Variants in CYRIB observed in about 807,000 individuals in gnomAD.
CYRIB encodes the protein CYFIP-related Rac1 interactor B.
CYRIB carries 8 observed loss-of-function variants against 44.2 expected under a neutral mutation model. The ratio of observed to expected loss-of-function variants is 0.18; its 90% confidence interval spans 0.11 to 0.33. CYRIB has a LOEUF of 0.33. Among genes scored for constraint, CYRIB ranks in the 10% least tolerant of loss-of-function variants. The probability of loss-of-function intolerance (pLI) is 1.00; values close to 1 mark genes in which losing one functional copy is unlikely to be tolerated. For synonymous variants in CYRIB, 131 were observed against 127.2 expected, an observed-to-expected ratio of 1.03 and a Z score of -0.20; for missense variants, 185 against 382.8, an observed-to-expected ratio of 0.48 and a Z score of 4.31.
intron 1 of CYRIB, among the ~76,000 whole-genome samples, chr8:129,910,985 A>T (rs2136281491): frequency 6.6e-6 from 1 of 152,272 alleles, no homozygotes; most frequent in African/African-American, 2.4e-5. Flanking sequence ...TTAACTACTG[A>T]GGCCAGCTAT....
chr8:129,938,357 C>G (rs2093181988), intron 1 of CYRIB, among the ~76,000 whole-genome samples: 2 of 152,150 alleles, frequency 1.3e-5, no homozygotes. Context: ...ACCCGAGTGA[C>G]TGAAATTCTT....
intron 1 of CYRIB, among the ~76,000 whole-genome samples, chr8:130,007,504 G>A (rs1397208661): frequency 6.6e-6 from 1 of 152,246 alleles, no homozygotes; most frequent in African/African-American, 2.4e-5. Context: ...ATATGACATG[G>A]CTGGGCGCAG....
At chr8:129,916,920 T>C (rs401526) in intron 1 of CYRIB, among the ~76,000 whole-genome samples, 58,099 of 152,126 alleles carry the variant, frequency 0.38, 13,299 homozygotes, top group East Asian at 0.55. Flanking sequence ...GTTTGAATCC[T>C]AGTTCTGACA....
intron 1 of CYRIB, among the ~76,000 whole-genome samples, chr8:129,936,691 C>T (rs538997228): frequency 6.6e-6 from 1 of 151,352 alleles, no homozygotes; most frequent in East Asian, 1.9e-4. Flanking sequence ...ATTAGATAAC[C>T]CAATATAGCA....
At chr8:129,864,274 A>C (rs1400865490) in intron 4 of CYRIB, among the ~76,000 whole-genome samples, 2 of 152,278 alleles carry the variant, frequency 1.3e-5, no homozygotes, top group Non-Finnish European at 2.9e-5. Flanking sequence ...AACATGTAAC[A>C]ATCCTTTGTT....
At chr8:130,011,170 G>A (rs2097204492) in intron 1 of CYRIB, among the ~76,000 whole-genome samples, 1 of 152,084 alleles carries the variant, frequency 6.6e-6, no homozygotes, top group Non-Finnish European at 1.5e-5. Context: ...GGGGACTCCT[G>A]GCACACATTA....
At chr8:129,904,369 C>T (rs17278259) in intron 1 of CYRIB, 130 bp downstream of exon 3, 1 of 152,176 alleles carries the variant, frequency 6.6e-6, no homozygotes, top group African/African-American at 2.4e-5. Context: ...CCTTGACCAA[C>T]GAGAGATGGG....
chr8:129,842,022 C>T, exon 12 of CYRIB: 1 of 697,554 alleles, frequency 1.4e-6, no homozygotes. Context: ...GGAAGAGGAA[C>T]AGAGGAAAGA....
intron 1 of CYRIB, among the ~76,000 whole-genome samples, chr8:129,938,416 G>T (rs754517598): frequency 6.6e-6 from 1 of 152,186 alleles, no homozygotes; most frequent in Non-Finnish European, 1.5e-5. Flanking sequence ...CACACCGTAA[G>T]ACTTAAAACA....
chr8:129,937,881 TTCTCTC>T lies in CYRIB; in HGVS notation c.-50+1721_-50+1726del, dbSNP rs35554242. Among the ~76,000 whole-genome samples the T allele has an allele frequency of 7.8e-4, 115 of 147,680 alleles. 3 individuals carry two copies. The East Asian group carries it at 0.015, about 19-fold the overall frequency. On this transcript the variant is annotated intron_variant, in intron 1 of 11. Coordinates refer to ENST00000519824, the Ensembl canonical transcript of CYRIB. ...AGCAAAACTGTTCTGCAAATACACA[TTCTCTC>T]TCTCTCTCTCTCTCTCTCATGAGTT...
intron 1 of CYRIB, among the ~76,000 whole-genome samples, chr8:129,974,853 T>A (rs2095849925): frequency 6.6e-6 from 1 of 151,542 alleles, no homozygotes; most frequent in Admixed American, 6.6e-5. Context: ...CCCAAGTAGC[T>A]GTGACCACAG....
At chr8:129,923,969 G>A (rs2085556535) in intron 1 of CYRIB, among the ~76,000 whole-genome samples, 1 of 150,560 alleles carries the variant, frequency 6.6e-6, no homozygotes, top group Non-Finnish European at 1.5e-5. Context: ...TGAGGAAAAT[G>A]AATTTCAAAC....
intron 3 of CYRIB, among the ~76,000 whole-genome samples, chr8:129,877,022 T>C (rs906251396): frequency 2.0e-5 from 3 of 152,236 alleles, no homozygotes; most frequent in Non-Finnish European, 4.4e-5. Flanking sequence ...GTCACCATAG[T>C]AGCTTATAAG....
chr8:129,941,343 G>A (rs969532521), upstream of CYRIB, among the ~76,000 whole-genome samples: 1 of 143,840 alleles, frequency 7.0e-6, no homozygotes, highest in African/African-American at 2.6e-5. Flanking sequence ...GCGCGATATC[G>A]GCTCACTGCA....
At chr8:130,003,261 A>G (rs2096950068) in intron 1 of CYRIB, among the ~76,000 whole-genome samples, 1 of 152,208 alleles carries the variant, frequency 6.6e-6, no homozygotes, top group Non-Finnish European at 1.5e-5. Flanking sequence ...TCTTTATGCA[A>G]CATTTTGTCC....
chr8:129,998,793 G>A lies in CYRIB; in HGVS notation c.-296+17577C>T, dbSNP rs140500455. Among the ~76,000 whole-genome samples, 690 of 152,144 alleles carry A rather than the reference G, an allele frequency of 4.5e-3. 7 individuals carry two copies. The highest frequency in any genetic ancestry group is 0.016 in the African/African-American group (656 of 41,508). ...ATTACAGGCATGTGCCACCCCACCC[G>A]GCTAATTTTTGGATTTTTAGTAGAG... On this transcript the variant is annotated intron_variant, in intron 1 of 14. Transcript: ENST00000401979.
intron 2 of CYRIB, among the ~76,000 whole-genome samples, chr8:129,970,105 C>G (rs539171538): frequency 1.8e-4 from 27 of 152,270 alleles, no homozygotes; most frequent in African/African-American, 6.0e-4. Context: ...ATGGGTGTAA[C>G]ATATCAAAAT....
intron 1 of CYRIB, among the ~76,000 whole-genome samples, chr8:129,983,697 A>T (rs916355467): frequency 7.2e-5 from 11 of 152,294 alleles, no homozygotes; most frequent in African/African-American, 2.6e-4. Flanking sequence ...GCTCTGCACC[A>T]GCCACAGGGA....
At chr8:129,855,529 C>T in intron 6 of CYRIB, 82 bp downstream of exon 8, 3 of 1,406,198 alleles carry the variant, frequency 2.1e-6, no homozygotes, top group Admixed American at 3.6e-5. Context: ...TACATTTTAA[C>T]AATGTTTCCC....
Sources: allele counts gnomAD v4.1 joint callset (sites outside exome capture counted in the v4.1 genomes callset), GRCh38; gene constraint gnomAD v4.1.1; transcripts MANE v1.5; gene names NCBI Gene and HGNC (gene_info 2026-07-23, HGNC 2026-07-21).